The following GRIK2 variants were observed in gnomAD, a reference collection of about 807,000 sequenced individuals.
GRIK2 encodes glutamate receptor ionotropic, kainate 2.
GRIK2 carries 32 observed loss-of-function variants against 100.3 expected under a neutral mutation model. The ratio of observed to expected loss-of-function variants is 0.32; its 90% CI spans 0.24 to 0.43. The LOEUF (loss-of-function observed/expected upper bound fraction) is 0.43, where lower values mean the gene tolerates loss of function less well. Among genes scored for constraint, GRIK2 ranks in the 20% least tolerant of loss-of-function variants. GRIK2 has a pLI of 1.00. For synonymous variants in GRIK2, 417 were observed against 389.4 expected, an observed-to-expected ratio of 1.07 and a Z score of -0.83; for missense variants, 843 against 1,114.9, an observed-to-expected ratio of 0.76 and a Z score of 3.47.
At chr6:101,644,423 A>G (rs997865386) in intron 4 of GRIK2, among the ~76,000 whole-genome samples, 25 of 151,768 alleles carry the variant, frequency 1.6e-4, no homozygotes, top group Non-Finnish European at 3.4e-4. Flanking sequence ...GAGATGCCCA[A>G]GAATAAAGAC....
chr6:101,817,938 A>G (rs1268725374), intron 9 of GRIK2, among the ~76,000 whole-genome samples: 2 of 152,108 alleles, frequency 1.3e-5, no homozygotes, highest in Non-Finnish European at 2.9e-5. Flanking sequence ...ACCTTTACCT[A>G]TTAATTTATC....
At chr6:101,486,223 A>G (rs748297389) in intron 2 of GRIK2, among the ~76,000 whole-genome samples, 2 of 152,038 alleles carry the variant, frequency 1.3e-5, no homozygotes, top group Non-Finnish European at 2.9e-5. Context: ...GGGAGAAGTG[A>G]TATCTCCAAG....
rs901738378 is a variant in GRIK2 at position 101,794,767 on chromosome 6, C to G, written c.952-4881C>G. Among the ~76,000 whole-genome samples the G allele has an allele frequency of 5.3e-5, 8 of 151,144 alleles. No homozygotes were observed. In the East Asian group the frequency reaches 5.8e-4, roughly 11 times the overall value. ...TATTTTGCTGAATAATTATTGTGCT[C>G]CTTTAGAGGTGTCATACTTCCTGGA... On this transcript the variant is annotated intron_variant, in intron 7 of 16. Coordinates refer to ENST00000369134, the MANE Select transcript of GRIK2 (RefSeq NM_021956.5).
intron 11 of GRIK2, among the ~76,000 whole-genome samples, chr6:101,875,773 A>G (rs1785787171): frequency 2.6e-5 from 4 of 151,832 alleles, no homozygotes; most frequent in Admixed American, 2.6e-4. Flanking sequence ...TTGATAACCA[A>G]TATTTTACCC....
intron 10 of GRIK2, among the ~76,000 whole-genome samples, chr6:101,834,340 C>T (rs994150310): frequency 6.6e-6 from 1 of 151,996 alleles, no homozygotes; most frequent in Non-Finnish European, 1.5e-5. Flanking sequence ...CTTTGTACTT[C>T]ACTATTTTTT....
rs527974275 is a variant in GRIK2, at chr6:101,928,781, A to T, written c.2085+149A>T. ...ACCTCAAGGGGTGGAGAGGTGTACA[A>T]CTGAACGTATGCTCATCAAGACCAA... On this transcript the variant is annotated intron_variant, in intron 14 of 16. Coordinates refer to ENST00000369134, the MANE Select transcript of GRIK2 (RefSeq NM_021956.5). The T allele has an allele frequency of 3.3e-6, 2 of 608,366 alleles. 1 individual carries two copies. The highest frequency in any genetic ancestry group is 5.9e-6 in the Non-Finnish European group (2 of 340,550). 37.7% of individuals were successfully genotyped at this position (608,366 alleles called of 1,614,324 possible).
chr6:101,901,857 A>G (rs991182853), intron 12 of GRIK2, among the ~76,000 whole-genome samples: 6 of 151,968 alleles, frequency 3.9e-5, no homozygotes, highest in Admixed American at 1.3e-4. Flanking sequence ...TCATTTCACT[A>G]AGCCTTTCAA....
intron 10 of GRIK2, among the ~76,000 whole-genome samples, chr6:101,829,528 T>C (rs560902343): frequency 6.6e-6 from 1 of 152,092 alleles, no homozygotes; most frequent in East Asian, 1.9e-4. Context: ...ATAGACCTGA[T>C]AAATGACTTC....
chr6:101,691,890 T>C (rs1037800962), intron 7 of GRIK2, among the ~76,000 whole-genome samples: 2 of 151,984 alleles, frequency 1.3e-5, no homozygotes, highest in Non-Finnish European at 2.9e-5. Context: ...TGTTACTGTA[T>C]AAAGATTTAC....
chr6:101,398,466 G>A (rs1194548230), intron 1 of GRIK2, among the ~76,000 whole-genome samples: 5 of 152,010 alleles, frequency 3.3e-5, no homozygotes, highest in Non-Finnish European at 7.4e-5. Context: ...TTCATTCCTG[G>A]TCAAAATAAA....
intron 15 of GRIK2, among the ~76,000 whole-genome samples, chr6:102,036,258 C>T (rs558571294): frequency 0.081 from 12,108 of 150,224 alleles, 1,672 homozygotes; most frequent in African/African-American, 0.28. Context: ...CACACACACA[C>T]ACATATATAT....
intron 2 of GRIK2, among the ~76,000 whole-genome samples, chr6:101,530,328 G>A (rs1775374843): frequency 6.6e-6 from 1 of 151,944 alleles, no homozygotes; most frequent in South Asian, 2.1e-4. Context: ...TTCTGTTTGA[G>A]TCATTTACAG....
intron 7 of GRIK2, among the ~76,000 whole-genome samples, chr6:101,790,605 T>G (rs1411974607): frequency 6.8e-6 from 1 of 146,904 alleles, no homozygotes; most frequent in Non-Finnish European, 1.5e-5. Context: ...TGGATTCGGT[T>G]TGCCAGTATT....
intron 7 of GRIK2, among the ~76,000 whole-genome samples, chr6:101,788,522 C>T (rs1277520928): frequency 6.6e-6 from 1 of 152,094 alleles, no homozygotes; most frequent in Non-Finnish European, 1.5e-5. Flanking sequence ...ATCCATGTCC[C>T]TACAAAGGAC....
intron 7 of GRIK2, among the ~76,000 whole-genome samples, chr6:101,748,963 A>C (rs1776615189): frequency 6.6e-6 from 1 of 152,210 alleles, no homozygotes; most frequent in Non-Finnish European, 1.5e-5. Flanking sequence ...CAGTAATTTA[A>C]ATCTGGCTTT....
chr6:101,661,412 C>T (rs1251206733), intron 4 of GRIK2, among the ~76,000 whole-genome samples: 5 of 152,084 alleles, frequency 3.3e-5, no homozygotes, highest in South Asian at 2.1e-4. Context: ...TTGCTGGGCT[C>T]GGTGGGGGTG....
intron 14 of GRIK2, among the ~76,000 whole-genome samples, chr6:102,030,561 G>T (rs1769933497): frequency 6.6e-6 from 1 of 151,184 alleles, no homozygotes; most frequent in Admixed American, 6.6e-5. Context: ...ATATCCAAAG[G>T]AAATTATTCA....
chr6:101,757,095 C>T (rs1777181103), intron 7 of GRIK2, among the ~76,000 whole-genome samples: 1 of 151,980 alleles, frequency 6.6e-6, no homozygotes, highest in Non-Finnish European at 1.5e-5. Flanking sequence ...ATATGGTTAG[C>T]ATGGAATGAG....
At chr6:101,733,876 C>G (rs925976333) in intron 7 of GRIK2, among the ~76,000 whole-genome samples, 2 of 151,966 alleles carry the variant, frequency 1.3e-5, no homozygotes, top group Admixed American at 1.3e-4. Flanking sequence ...AGCCAAATCC[C>G]TTGCTAATTT....
Sources: allele counts gnomAD v4.1 joint callset (sites outside exome capture counted in the v4.1 genomes callset), GRCh38; gene constraint gnomAD v4.1.1; transcripts MANE v1.5; gene names NCBI Gene and HGNC (gene_info 2026-07-23, HGNC 2026-07-21).